The following PRG4 variants were observed in gnomAD, a reference collection of about 807,000 sequenced individuals.
The protein encoded by PRG4 is proteoglycan 4.
PRG4 carries 61 observed loss-of-function variants against 91.2 expected under a neutral mutation model. The ratio of observed to expected loss-of-function variants is 0.67; its 90% CI spans 0.54 to 0.83. The LOEUF (loss-of-function observed/expected upper bound fraction) is 0.83, where lower values mean the gene tolerates loss of function less well. Ranked by LOEUF, PRG4 falls within the 40% of genes least tolerant of loss-of-function variation. PRG4 has a pLI of 0.00. For missense variants in PRG4, 1,564 were observed against 1,714.2 expected (o/e 0.91, Z 1.55); for synonymous variants, 576 against 614.2 (o/e 0.94, Z 0.92).
intron 11 of PRG4, 88 bp from the exon 12 acceptor site, chr1:186,312,681 C>G: frequency 7.1e-7 from 1 of 1,412,866 alleles, no homozygotes; most frequent in Non-Finnish European, 1.0e-6. Flanking sequence ...AGGGCTAAAA[C>G]TGAGATTAAA....
chr1:186,313,470 G>T, intron 12 of PRG4: 1 of 512,676 alleles, frequency 2.0e-6, no homozygotes, highest in Non-Finnish European at 3.5e-6. Context: ...TTTACAAAAA[G>T]ATGGTGAAAT....
rs764281451 is a variant in PRG4, at chr1:186,312,325, C to T, written c.3944C>T (p.Thr1315Ile). Residue 1315 changes from threonine (T) to isoleucine (I), a missense_variant, in exon 11 of 13, where the codon ACC becomes ATC. Thr to Ile is a moderately conservative substitution (Grantham distance 89). Transcript: ENST00000445192. The stretch of plus-strand genomic sequence containing the variant: ...GCTATAGGACCTTCTCAAACACACA[C>T]CATCAGAATTCAATATTCACCTGCC... ...ERAIGPSQTH[T>I]IRIQYSPARL... is the part of the protein sequence containing the mutation. The T allele has an allele frequency of 6.2e-7, 1 of 1,610,452 alleles. No homozygotes were observed. The highest frequency in any genetic ancestry group is 2.2e-5 in the East Asian group (1 of 44,838).
rs1256787340 is a variant in PRG4, at chr1:186,313,792, G to A, written c.*14G>A. 1.3e-6 allele frequency: 2 copies of A among 1,567,100 alleles called. No individual in the cohort carries two copies. Among genetic ancestry groups the A allele is most frequent in the East Asian group, 2.2e-5 (1 of 44,532 alleles). Reference sequence around the variant, plus strand: ...AACTGTCCTTAGACTGATGAGCAAAGGAGGAGTCAACTAATGAAGAAATGA... The same window carrying A: ...AACTGTCCTTAGACTGATGAGCAAAAGAGGAGTCAACTAATGAAGAAATGA... On this transcript the variant is annotated 3_prime_UTR_variant, in exon 13 of 13. Transcript: ENST00000445192.
chr1:186,312,602 C>G lies in PRG4; in HGVS notation c.3992-167C>G. The G allele has an allele frequency of 3.8e-6, 3 of 798,914 alleles. No homozygotes were observed. The South Asian group carries it at 5.2e-5, about 14-fold the overall frequency. 49.5% of individuals were successfully genotyped at this position (798,914 alleles called of 1,614,324 possible). On this transcript the variant is annotated intron_variant, in intron 11 of 12. Coordinates refer to ENST00000445192, the MANE Select transcript of PRG4 (RefSeq NM_005807.6). ...TCAGGTTTGTTAGTTATAACCAATA[C>G]TATTTATCAAGTACTTCTTACCAAG...
intron 9 of PRG4, 36 bp from the exon 10 acceptor site, chr1:186,311,404 A>C (rs754481036): frequency 1.3e-6 from 2 of 1,598,550 alleles, no homozygotes; most frequent in Non-Finnish European, 1.7e-6. Flanking sequence ...TTTTTTCCCA[A>C]AGCTGATAAC....
In PRG4 at chr1:186,309,117, TTATCATCAA is replaced by T; in HGVS notation, c.3400_3408del (p.Ile1134_Asn1136del). 6.2e-7 allele frequency: 1 copy of T among 1,613,500 alleles called. No homozygotes were observed. Among genetic ancestry groups the T allele is most frequent in the South Asian group, 1.1e-5 (1 of 91,066 alleles). On this transcript the variant is annotated inframe_deletion, in exon 7 of 13. Transcript: ENST00000445192. Reference sequence around the variant, plus strand: ...TTACCGAGAGTACCCAATCAAGGCATTATCATCAATCCCATGCTTTCCGGTATTAAGAAT... The same window carrying T: ...TTACCGAGAGTACCCAATCAAGGCATTCCCATGCTTTCCGGTATTAAGAAT...
intron 8 of PRG4, among the ~76,000 whole-genome samples, 181 bp downstream of exon 8, chr1:186,310,051 G>A (rs1657064972): frequency 7.6e-6 from 1 of 131,126 alleles, no homozygotes; most frequent in African/African-American, 2.8e-5. Context: ...ATTAGACAAA[G>A]TAACAAAACA....
At chr1:186,309,892 T>C (rs781146918) in intron 8 of PRG4, 22 bp downstream of exon 8, 87 of 1,595,104 alleles carry the variant, frequency 5.5e-5, no homozygotes, top group Non-Finnish European at 7.5e-5. Context: ...ACACATTTAT[T>C]TTTCTTCTCA....
rs926517125 is a variant in PRG4 at position 186,310,661 on chromosome 1, TTTTTTGTA to T, written c.3500-367_3500-360del. On this transcript the variant is annotated intron_variant, in intron 8 of 12. Coordinates refer to ENST00000445192, the MANE Select transcript of PRG4 (RefSeq NM_005807.6). ...CCATGCCTGGCTAATTTTTGTATTT[TTTTTTGTA>T]TTTTTTTTTTTTTGTAGAGACAGGG... 3.3e-5 allele frequency among the ~76,000 whole-genome samples: 5 copies of T among 149,408 alleles called. 1 individual carries two copies. Among genetic ancestry groups the T allele is most frequent in the African/African-American group, 1.0e-4 (4 of 40,014 alleles).
At position 186,314,419 on chromosome 1, in the gene PRG4, T is replaced by C. The variant is rs1424524682; in HGVS notation, c.*641T>C. The C allele has an allele frequency of 5.3e-6, 2 of 374,118 alleles. No homozygotes were observed. Among genetic ancestry groups the C allele is most frequent in the Non-Finnish European group, 9.5e-6 (2 of 210,772 alleles). 23.2% of individuals were successfully genotyped at this position (374,118 alleles called of 1,614,324 possible). A position where few individuals can be genotyped will look rare whatever the true frequency, so the allele number is the denominator to read the frequency against. On this transcript the variant is annotated 3_prime_UTR_variant, in exon 13 of 13. Coordinates refer to ENST00000445192, the MANE Select transcript of PRG4 (RefSeq NM_005807.6). ...AAGGAAGAAATCAATAAATATAAAA[T>C]ATAAGCACATATTTATTATATATCT...
intron 4 of PRG4, among the ~76,000 whole-genome samples, chr1:186,302,564 C>T (rs565424050): frequency 1.2e-4 from 18 of 152,336 alleles, no homozygotes; most frequent in African/African-American, 4.1e-4. Flanking sequence ...GCGCTTCCTG[C>T]TTCTTTAGAA....
Position 186,304,191 on chromosome 1 carries a change from C to G in PRG4, c.403C>G (p.Arg135Gly), listed in dbSNP as rs138361454. The G allele has an allele frequency of 1.7e-5, 27 of 1,613,698 alleles. No individual in the cohort carries two copies. In the East Asian group the frequency reaches 4.9e-4, roughly 29 times the overall value. ...ASQTIKSTTK[R>G]SPKPPNKKKT... ...TCAAACCATCAAATCAACAACCAAA[C>G]GTTCACCCAAACCACCAAACAAGAA... The change falls in exon 5 of 13, where the codon CGT becomes GGT. Residue 135 changes from arginine (R) to glycine (G), a missense_variant. Transcript: ENST00000445192.
Position 186,308,147 on chromosome 1 carries a change from C to T in PRG4, c.2428C>T (p.Pro810Ser). 6.2e-7 allele frequency: 1 copy of T among 1,610,214 alleles called. No homozygotes were observed. The highest frequency in any genetic ancestry group is 8.5e-7 in the Non-Finnish European group (1 of 1,178,542). Residue 810 changes from proline (P) to serine (S), a missense_variant, in exon 7 of 13, where the codon CCC becomes TCC. By Grantham distance (74) the Pro-to-Ser change is moderately conservative (BLOSUM62 -1). This residue lies in a region of PRG4 where 1,079 missense variants were observed against 1,162.2 expected (regional missense o/e 0.93). Transcript: ENST00000445192. The part of the protein sequence containing the change: ...KELAPTTTKG[P>S]TSTTSDKPAP... ...GCTTGCACCCACCACCACCAAGGGG[C>T]CCACATCCACCACCTCTGACAAGCC... is the stretch of plus-strand genomic sequence containing the variant.
Position 186,306,662 on chromosome 1 carries a change from A to C in PRG4, c.943A>C (p.Lys315Gln), listed in dbSNP as rs1328651110. 1 of 1,613,740 alleles carries C rather than the reference A, an allele frequency of 6.2e-7. No individual in the cohort carries two copies. The highest frequency in any genetic ancestry group is 1.7e-5 in the Admixed American group (1 of 59,992). The change falls in exon 7 of 13, where the codon AAA becomes CAA. Residue 315 changes from lysine (K) to glutamine (Q), a missense_variant. Lys to Gln is a moderately conservative substitution (Grantham distance 53, BLOSUM62 1). This residue lies in a region of PRG4 where 437 missense variants were observed against 459.0 expected (regional missense o/e 0.95). Coordinates refer to ENST00000445192, the MANE Select transcript of PRG4 (RefSeq NM_005807.6). Reference sequence around the variant, plus strand: ...CGCTAAAGAGACACAAAGTATAGAGAAAACATCTGCTAAAGATTTAGCACC... The same window carrying C: ...CGCTAAAGAGACACAAAGTATAGAGCAAACATCTGCTAAAGATTTAGCACC... ...TSAKETQSIE[K>Q]TSAKDLAPTS...
chr1:186,312,110 T>C, intron 10 of PRG4, 65 bp from the exon 11 acceptor site: 1 of 1,443,290 alleles, frequency 6.9e-7, no homozygotes, highest in Non-Finnish European at 9.7e-7. Flanking sequence ...AAAGTTGTTT[T>C]CCACCTTTTC....
In PRG4 at chr1:186,308,702, A is replaced by G; in HGVS notation, c.2983A>G (p.Thr995Ala). ...TACAACAAAAAAGACAATTACTACCACTGAGATTATGAACAAACCTGAAGA... is the reference window on the plus strand; with the variant it reads ...TACAACAAAAAAGACAATTACTACCGCTGAGATTATGAACAAACCTGAAGA... ...VTTTKKTITT[T>A]EIMNKPEETA... is the part of the protein sequence containing the mutation. Residue 995 changes from threonine (T) to alanine (A), a missense_variant, in exon 7 of 13, where the codon ACT (threonine) becomes GCT (alanine). Physicochemically the swap from Thr to Ala is moderately conservative, Grantham distance 58 (BLOSUM62 0). This residue lies in a region of PRG4 where 1,079 missense variants were observed against 1,162.2 expected (regional missense o/e 0.93). Transcript: ENST00000445192. The G allele has an allele frequency of 1.9e-6, 3 of 1,613,332 alleles. No individual in the cohort carries two copies. The highest frequency in any genetic ancestry group is 2.5e-6 in the Non-Finnish European group (3 of 1,179,870).
At position 186,306,629 on chromosome 1, in the gene PRG4, A is replaced by G; in HGVS notation, c.910A>G (p.Thr304Ala). The change falls in exon 7 of 13, where the codon ACT (threonine) becomes GCT (alanine). Residue 304 changes from threonine to alanine, a missense_variant. By Grantham distance (58) the Thr-to-Ala change is moderately conservative. Coordinates refer to ENST00000445192, the MANE Select transcript of PRG4 (RefSeq NM_005807.6). ...GACTTCAACTGATGGAAAAGAGAAG[A>G]CTACTTCCGCTAAAGAGACACAAAG... Reference protein sequence around the residue: ...KQTSTDGKEKTTSAKETQSIE... With the variant: ...KQTSTDGKEKATSAKETQSIE... The G allele has an allele frequency of 6.2e-7, 1 of 1,613,512 alleles. No homozygotes were observed. The highest frequency in any genetic ancestry group is 8.5e-7 in the Non-Finnish European group (1 of 1,179,628).
In PRG4 at chr1:186,307,736, G is replaced by A. The variant is rs1167510488; in HGVS notation, c.2017G>A (p.Ala673Thr). 1 of 1,610,974 alleles carries A rather than the reference G, an allele frequency of 6.2e-7. No homozygotes were observed. Among genetic ancestry groups the A allele is most frequent in the African/African-American group, 1.4e-5 (1 of 74,016 alleles). ...TGCTCCCACCACTCCCAAGGCAGCGGCTCCCAACACCCCTAAGGAGCCTGC... is the reference window on the plus strand; with the variant it reads ...TGCTCCCACCACTCCCAAGGCAGCGACTCCCAACACCCCTAAGGAGCCTGC... Reference protein sequence around the residue: ...EPAPTTPKAAAPNTPKEPAPT... With the variant: ...EPAPTTPKAATPNTPKEPAPT... Residue 673 changes from alanine (A) to threonine (T), a missense_variant, in exon 7 of 13, where the codon GCT becomes ACT. Around this residue, in one of 3 missense-constraint regions of PRG4, gnomAD observed 1,079 missense variants for 1,162.2 expected, o/e 0.93. Transcript: ENST00000445192.
intron 2 of PRG4, among the ~76,000 whole-genome samples, chr1:186,298,054 C>T (rs1557921744): frequency 6.6e-6 from 1 of 152,186 alleles, no homozygotes; most frequent in Non-Finnish European, 1.5e-5. Context: ...AACAGTGTTA[C>T]TTTCATTTTA....
Sources: gnomAD v4.1 joint callset for allele counts (sites outside exome capture counted in the v4.1 genomes callset) on GRCh38, gnomAD v4.1.1 for gene constraint, gnomAD v4.1.1 regional missense constraint, MANE v1.5 for transcripts, NCBI Gene and HGNC (gene_info 2026-07-23, HGNC 2026-07-21) for gene names.